The following EXOC4 variants were observed in gnomAD, a reference collection of about 807,000 sequenced individuals.
The protein encoded by EXOC4 is exocyst complex component 4.
In EXOC4, 71 loss-of-function variants were observed where a neutral mutation model predicts 107.2. The observed-to-expected ratio is 0.66, with a 90% CI of 0.55 to 0.81. EXOC4 has a LOEUF of 0.81. Ranked by LOEUF, EXOC4 falls within the 30% of genes least tolerant of loss-of-function variation. EXOC4 has a pLI of 0.00. For synonymous variants in EXOC4, 456 were observed against 441.2 expected (o/e 1.03, Z -0.42); for missense variants, 1,108 against 1,189.6 (o/e 0.93, Z 1.01).
At chr7:133,831,399 T>C (rs752209024) in intron 11 of EXOC4, among the ~76,000 whole-genome samples, 7 of 152,214 alleles carry the variant, frequency 4.6e-5, no homozygotes, top group Non-Finnish European at 1.0e-4. Context: ...TCCTTCATTT[T>C]TGTAATTATT....
At chr7:133,946,354 C>A (rs1406932774) in intron 14 of EXOC4, among the ~76,000 whole-genome samples, 1 of 152,170 alleles carries the variant, frequency 6.6e-6, no homozygotes, top group Non-Finnish European at 1.5e-5. Context: ...GCTTCCCACC[C>A]CCTGCCTGAC....
At chr7:133,353,017 T>G (rs1795945442) in intron 5 of EXOC4, among the ~76,000 whole-genome samples, 1 of 152,102 alleles carries the variant, frequency 6.6e-6, no homozygotes, top group African/African-American at 2.4e-5. Context: ...TAGTAATTCT[T>G]TTAAATGCAT....
At chr7:133,282,578 A>G (rs1056839916) in intron 2 of EXOC4, among the ~76,000 whole-genome samples, 2 of 152,226 alleles carry the variant, frequency 1.3e-5, no homozygotes, top group African/African-American at 4.8e-5. Flanking sequence ...ATACTTTTCT[A>G]ACATTTGAAT....
At chr7:133,969,124 A>G (rs1801141176) in intron 14 of EXOC4, among the ~76,000 whole-genome samples, 1 of 151,980 alleles carries the variant, frequency 6.6e-6, no homozygotes. Context: ...CTTCCACTTG[A>G]TTGATTTGGC....
At chr7:133,850,608 G>A (rs927123137) in intron 11 of EXOC4, among the ~76,000 whole-genome samples, 1 of 151,658 alleles carries the variant, frequency 6.6e-6, no homozygotes, top group Non-Finnish European at 1.5e-5. Context: ...GTTCAGACAT[G>A]AGAGGGCTTA....
In EXOC4 at chr7:134,040,900, A is replaced by C. The variant is rs546194437; in HGVS notation, c.2688-23391A>C. Among the ~76,000 whole-genome samples the C allele has an allele frequency of 3.3e-5, 5 of 152,282 alleles. No homozygotes were observed. In the South Asian group the frequency reaches 1.0e-3, roughly 32 times the overall value. Reference sequence around the variant, plus strand: ...GTATAGGTGGTCGGGCCTTCTCTTTAACTAATCAGATGAATATTTAATATA... The same window carrying C: ...GTATAGGTGGTCGGGCCTTCTCTTTCACTAATCAGATGAATATTTAATATA... On this transcript the variant is annotated intron_variant, in intron 17 of 17. Coordinates refer to ENST00000253861, the MANE Select transcript of EXOC4 (RefSeq NM_021807.4).
intron 10 of EXOC4, among the ~76,000 whole-genome samples, chr7:133,776,602 C>T (rs1322203584): frequency 3.3e-5 from 5 of 152,136 alleles, no homozygotes; most frequent in Admixed American, 3.3e-4. Context: ...TTTTTTAGAT[C>T]ATGGGTAATT....
intron 14 of EXOC4, among the ~76,000 whole-genome samples, chr7:133,970,055 A>G (rs1396084610): frequency 2.0e-5 from 3 of 152,134 alleles, no homozygotes. Flanking sequence ...GGGAGGAGGA[A>G]TCTAGAGAGG....
chr7:133,650,261 T>G (rs1186960192), intron 10 of EXOC4, among the ~76,000 whole-genome samples: 1 of 152,108 alleles, frequency 6.6e-6, no homozygotes, highest in Non-Finnish European at 1.5e-5. Context: ...AAATACTTTG[T>G]GTTTTCACTT....
intron 5 of EXOC4, among the ~76,000 whole-genome samples, chr7:133,320,860 G>C (rs1317593190): frequency 6.6e-6 from 1 of 152,152 alleles, no homozygotes. Flanking sequence ...ATGTTACTAA[G>C]TACATATAAA....
intron 9 of EXOC4, among the ~76,000 whole-genome samples, chr7:133,615,307 G>A (rs757845681): frequency 6.6e-6 from 1 of 151,492 alleles, no homozygotes; most frequent in South Asian, 2.1e-4. Flanking sequence ...TGAAGAAAAC[G>A]AGGGTGATTT....
In EXOC4 at chr7:133,693,998, G is replaced by T. The variant is rs550705093; in HGVS notation, c.1514+63857G>T. Reference sequence around the variant, plus strand: ...TTAGAAATGCTGGCTGGGTGTGGTGGCTCATGCCTGTAATCCCAGCACTTT... The same window carrying T: ...TTAGAAATGCTGGCTGGGTGTGGTGTCTCATGCCTGTAATCCCAGCACTTT... On this transcript the variant is annotated intron_variant, in intron 10 of 17. Coordinates refer to ENST00000253861, the MANE Select transcript of EXOC4 (RefSeq NM_021807.4). 2.6e-5 allele frequency among the ~76,000 whole-genome samples: 4 copies of T among 152,250 alleles called. No individual in the cohort carries two copies. The East Asian group carries it at 7.7e-4, about 29-fold the overall frequency.
At chr7:133,317,148 G>T (rs1353587594) in intron 4 of EXOC4, 136 bp from the exon 5 acceptor site, 1 of 640,706 alleles carries the variant, frequency 1.6e-6, no homozygotes, top group Non-Finnish European at 2.8e-6. Context: ...ATCCAGTATA[G>T]TATATACTGG....
At chr7:133,755,266 A>T (rs1431107622) in intron 10 of EXOC4, among the ~76,000 whole-genome samples, 3 of 97,788 alleles carry the variant, frequency 3.1e-5, no homozygotes, top group African/African-American at 4.2e-5. Flanking sequence ...TATATATATT[A>T]TATATATTAT....
intron 11 of EXOC4, among the ~76,000 whole-genome samples, chr7:133,824,840 C>T (rs1797661383): frequency 1.3e-5 from 2 of 152,078 alleles, no homozygotes; most frequent in Admixed American, 6.6e-5. Flanking sequence ...AGGATACTTT[C>T]ATTGGATTTA....
chr7:133,516,757 C>CCTTTTTTTTTTTTTT (rs1563093913), intron 9 of EXOC4, among the ~76,000 whole-genome samples: 1 of 5,294 alleles, frequency 1.9e-4, no homozygotes, highest in Non-Finnish European at 4.2e-4. Flanking sequence ...ACTAGCTGCT[C>CCTTTTTTTTTTTTTT]ATTTTTTTTT....
At chr7:133,354,619 A>G (rs1257192222) in intron 5 of EXOC4, among the ~76,000 whole-genome samples, 3 of 152,104 alleles carry the variant, frequency 2.0e-5, no homozygotes, top group Admixed American at 2.0e-4. Flanking sequence ...AGGTGCAACA[A>G]CAATTGTCAC....
chr7:133,766,859 A>C (rs1478320827), intron 10 of EXOC4, among the ~76,000 whole-genome samples: 1 of 151,980 alleles, frequency 6.6e-6, no homozygotes. Flanking sequence ...TCAGGGTTGC[A>C]AACCTATTCG....
At chr7:133,510,985 G>A (rs1799758478) in intron 9 of EXOC4, among the ~76,000 whole-genome samples, 1 of 152,116 alleles carries the variant, frequency 6.6e-6, no homozygotes, top group African/African-American at 2.4e-5. Flanking sequence ...AGCCGAAAGA[G>A]TATATCCACA....
Sources: gnomAD v4.1 joint callset for allele counts (sites outside exome capture counted in the v4.1 genomes callset) on GRCh38, gnomAD v4.1.1 for gene constraint, MANE v1.5 for transcripts, NCBI Gene and HGNC (gene_info 2026-07-23, HGNC 2026-07-21) for gene names.